ZNF69: variants seen among roughly 807,000 people sequenced by gnomAD.
ZNF69 encodes ZNF3.
ZNF69 carries 47 observed loss-of-function variants against 50.9 expected under a neutral mutation model. That is an observed-to-expected ratio of 0.92 (90% CI 0.73 to 1.18). The LOEUF (loss-of-function observed/expected upper bound fraction) is 1.18, where lower values mean the gene tolerates loss of function less well. Among genes scored for constraint, ZNF69 ranks in the 50% most tolerant of loss-of-function variants. ZNF69 has a pLI of 0.00. For synonymous variants in ZNF69, 216 were observed against 223.1 expected, an observed-to-expected ratio of 0.97 and a Z score of 0.29; for missense variants, 717 against 675.1, an observed-to-expected ratio of 1.06 and a Z score of -0.69.
the ZNF69 span, among the ~76,000 whole-genome samples, chr19:11,957,107 T>G: frequency 6.6e-6 from 1 of 151,608 alleles, no homozygotes; most frequent in Non-Finnish European, 1.5e-5. Flanking sequence ...TTTTTTTTTT[T>G]TTGAGATGGG....
chr19:11,942,883 A>G, the ZNF69 span, among the ~76,000 whole-genome samples: 3,021 of 152,270 alleles, frequency 0.02, 73 homozygotes, highest in African/African-American at 0.059. Flanking sequence ...GTATGAGACA[A>G]TAAGAGAGGT....
chr19:11,934,908 C>T, the ZNF69 span, among the ~76,000 whole-genome samples: 39 of 147,276 alleles, frequency 2.6e-4, 3 homozygotes, highest in East Asian at 1.4e-3. Flanking sequence ...TGGTCGGGTG[C>T]GGTGGCTCAC....
At chr19:11,972,062 C>CAA in the ZNF69 span, among the ~76,000 whole-genome samples, 15 of 111,950 alleles carry the variant, frequency 1.3e-4, no homozygotes, top group Non-Finnish European at 2.5e-4. Context: ...AACTTTGTCT[C>CAA]AAAAAAAAAA....
At chr19:11,953,571 C>T in the ZNF69 span, among the ~76,000 whole-genome samples, 9 of 152,362 alleles carry the variant, frequency 5.9e-5, no homozygotes, top group South Asian at 1.9e-3. Context: ...TCCACACACT[C>T]GTGGTTTATT....
rs546146192 is a variant in ZNF69 at position 11,906,311 on chromosome 19, G to A, written c.*213G>A. The A allele has an allele frequency of 1.6e-5, 22 of 1,351,384 alleles. No individual in the cohort carries two copies. Among genetic ancestry groups the A allele is most frequent in the African/African-American group, 1.3e-4 (9 of 68,244 alleles). 83.7% of individuals were successfully genotyped at this position (1,351,384 alleles called of 1,614,324 possible). On this transcript the variant is annotated 3_prime_UTR_variant, in exon 4 of 4. Coordinates refer to ENST00000429654, the MANE Select transcript of ZNF69 (RefSeq NM_001364730.1). ...CAGACTTAAATGTCCCTGTCTGACA[G>A]CTTTGAAGAGAGTAGCAGTCCTCCC... is the stretch of plus-strand genomic sequence containing the variant.
At chr19:11,898,284 A>T (rs951597318) in intron 1 of ZNF69, among the ~76,000 whole-genome samples, 2 of 151,738 alleles carry the variant, frequency 1.3e-5, no homozygotes, top group African/African-American at 2.4e-5. Context: ...TTCTTATTTA[A>T]TGGGTTTTAT....
At chr19:11,976,712 C>G in the ZNF69 span, 1 of 318,746 alleles carries the variant, frequency 3.1e-6, no homozygotes. Flanking sequence ...ACTAAAAATA[C>G]AAAATTAGCC....
At chr19:11,902,523 C>A (rs1599355028) in intron 1 of ZNF69, among the ~76,000 whole-genome samples, 1 of 151,776 alleles carries the variant, frequency 6.6e-6, no homozygotes, top group South Asian at 2.1e-4. Context: ...CCCCTTTGCC[C>A]TGTCAGCATC....
chr19:11,965,784 C>CTAT, the ZNF69 span, among the ~76,000 whole-genome samples: 56 of 152,140 alleles, frequency 3.7e-4, no homozygotes, highest in Non-Finnish European at 2.2e-4. Context: ...CCCAAGAAGC[C>CTAT]TATAGTGAGT....
chr19:11,941,479 A>G, the ZNF69 span, among the ~76,000 whole-genome samples: 1 of 152,220 alleles, frequency 6.6e-6, no homozygotes, highest in Non-Finnish European at 1.5e-5. Context: ...AATCGAGCGC[A>G]GCACCGGTGG....
chr19:11,979,626 A>G, the ZNF69 span: 4 of 1,605,822 alleles, frequency 2.5e-6, no homozygotes, highest in South Asian at 1.1e-5. Flanking sequence ...GAGAAACCCT[A>G]TGAGTGTAAG....
chr19:11,974,619 G>A, the ZNF69 span, among the ~76,000 whole-genome samples: 5 of 136,680 alleles, frequency 3.7e-5, no homozygotes, highest in South Asian at 4.9e-4. Flanking sequence ...GGGCGGGGGG[G>A]TGGGGTGTAA....
chr19:11,950,929 G>C, the ZNF69 span, among the ~76,000 whole-genome samples: 2 of 151,998 alleles, frequency 1.3e-5, no homozygotes, highest in Admixed American at 1.3e-4. Context: ...AAGGCAGGCG[G>C]ATCACGAGGT....
the ZNF69 span, among the ~76,000 whole-genome samples, chr19:11,974,190 CTT>C: frequency 0.11 from 4,689 of 40,932 alleles, 453 homozygotes; most frequent in African/African-American, 0.34. Context: ...TTCTTTCTTT[CTT>C]TCTCTCTTTT....
At chr19:11,889,209 T>A (rs7246144) in intron 1 of ZNF69, among the ~76,000 whole-genome samples, 2,201 of 152,334 alleles carry the variant, frequency 0.014, 46 homozygotes, top group African/African-American at 0.05. Context: ...AGGTGTGACT[T>A]ACCCTTGTCT....
the ZNF69 span, chr19:11,949,118 A>G: frequency 2.0e-5 from 32 of 1,611,958 alleles, no homozygotes; most frequent in Middle Eastern, 1.7e-4. Context: ...TATAAATGTA[A>G]GATATGTGGG....
At chr19:11,928,583 T>A in the ZNF69 span, among the ~76,000 whole-genome samples, 8 of 149,018 alleles carry the variant, frequency 5.4e-5, no homozygotes, top group South Asian at 1.7e-3. Flanking sequence ...ATACAAAAAA[T>A]TAGCCGGGCG....
chr19:11,978,359 G>A, the ZNF69 span: 190 of 1,614,052 alleles, frequency 1.2e-4, no homozygotes, highest in Admixed American at 1.8e-4. Context: ...AGCCATATAA[G>A]TGTCAACAAC....
chr19:11,938,707 G>A, the ZNF69 span, among the ~76,000 whole-genome samples: 1 of 152,196 alleles, frequency 6.6e-6, no homozygotes, highest in Admixed American at 6.5e-5. Context: ...TGTCTTTATA[G>A]CAGCATGATT....
Sources: allele counts gnomAD v4.1 joint callset (sites outside exome capture counted in the v4.1 genomes callset), GRCh38; gene constraint gnomAD v4.1.1; transcripts MANE v1.5; gene names NCBI Gene and HGNC (gene_info 2026-07-23, HGNC 2026-07-21).